Variants in OXSR1 observed in about 807,000 individuals in gnomAD.
OXSR1 encodes the protein oxidative stress responsive kinase 1.
Under a neutral mutation model 79.8 loss-of-function variants are expected in OXSR1, and 24 were observed. The observed-to-expected ratio is 0.30, with a 90% CI of 0.22 to 0.42. The LOEUF (loss-of-function observed/expected upper bound fraction) is 0.42, where lower values mean the gene tolerates loss of function less well. Ranked by LOEUF, OXSR1 falls within the 10% of genes least tolerant of loss-of-function variation. The pLI is 1.00. For synonymous variants in OXSR1, 226 were observed against 209.2 expected (o/e 1.08, Z -0.69); for missense variants, 430 against 618.4 (o/e 0.70, Z 3.23).
intron 4 of OXSR1, among the ~76,000 whole-genome samples, chr3:38,205,899 T>G (rs917417121): frequency 6.6e-6 from 1 of 152,226 alleles, no homozygotes; most frequent in Non-Finnish European, 1.5e-5. Context: ...AATGGTTGTT[T>G]TGTCATATTT....
chr3:38,201,440 G>A (rs1702161917), intron 4 of OXSR1, among the ~76,000 whole-genome samples: 1 of 152,038 alleles, frequency 6.6e-6, no homozygotes, highest in Non-Finnish European at 1.5e-5. Context: ...GCCAGGCATG[G>A]TGACTCACGC....
At chr3:38,166,239 T>C (rs940149853) in intron 1 of OXSR1, among the ~76,000 whole-genome samples, 5 of 152,030 alleles carry the variant, frequency 3.3e-5, no homozygotes, top group African/African-American at 9.7e-5. Context: ...ATGTGTCTTG[T>C]AGAGAAAGAA....
At chr3:38,181,822 CAT>C (rs1701791686) in intron 1 of OXSR1, among the ~76,000 whole-genome samples, 1 of 148,458 alleles carries the variant, frequency 6.7e-6, no homozygotes, top group Non-Finnish European at 1.5e-5. Flanking sequence ...CTTGGTATGA[CAT>C]GTCATTTTTT....
Position 38,249,957 on chromosome 3 carries a change from C to G in OXSR1, c.1323-9C>G. 6.5e-7 allele frequency: 1 copy of G among 1,531,558 alleles called. No homozygotes were observed. The highest frequency in any genetic ancestry group is 9.0e-7 in the Non-Finnish European group (1 of 1,109,304). 94.9% of individuals were successfully genotyped at this position (1,531,558 alleles called of 1,614,324 possible). On this transcript the variant is annotated splice_polypyrimidine_tract_variant and intron_variant, in intron 14 of 17. Transcript: ENST00000311806. ...ATTCTTATTTTATGCATTCTGCTTT[C>G]TTTCATAGGAATTCCAAAAAAGAAC...
intron 8 of OXSR1, among the ~76,000 whole-genome samples, chr3:38,228,746 G>GT (rs1028280276): frequency 2.2e-4 from 34 of 152,148 alleles, no homozygotes; most frequent in Admixed American, 3.9e-4. Context: ...AATTTTTGTG[G>GT]TTTTTTTAGC....
intron 11 of OXSR1, among the ~76,000 whole-genome samples, chr3:38,240,825 T>C (rs1230392899): frequency 1.3e-5 from 2 of 151,506 alleles, no homozygotes; most frequent in Non-Finnish European, 2.9e-5. Context: ...ATTTAGAAAA[T>C]AGCTATCTAT....
chr3:38,248,848 A>G (rs1305303307), intron 14 of OXSR1, among the ~76,000 whole-genome samples: 1 of 152,180 alleles, frequency 6.6e-6, no homozygotes, highest in Non-Finnish European at 1.5e-5. Context: ...ATTATTGTGA[A>G]ATGTATTAAG....
In OXSR1 at chr3:38,254,330, C is replaced by T; in HGVS notation, c.*1439C>T. 1 of 397,842 alleles carries T rather than the reference C, an allele frequency of 2.5e-6. No individual in the cohort carries two copies. The highest frequency in any genetic ancestry group is 3.6e-5 in the East Asian group (1 of 28,060). The allele number at this position is 397,842 out of a possible 1,614,324, so 24.6% of individuals were successfully genotyped here. A position where few individuals can be genotyped will look rare whatever the true frequency, so the allele number is the denominator to read the frequency against. The stretch of plus-strand genomic sequence containing the variant: ...AACCTTCCCCACAAATAACTTGTCA[C>T]ACCTTTTGTTTCATTCTGAGTCTTT... On this transcript the variant is annotated 3_prime_UTR_variant, in exon 18 of 18. Transcript: ENST00000311806.
intron 1 of OXSR1, among the ~76,000 whole-genome samples, chr3:38,181,064 C>T (rs758239144): frequency 3.3e-5 from 5 of 151,818 alleles, no homozygotes; most frequent in African/African-American, 7.3e-5. Context: ...TTCTACCTAA[C>T]GCATGGATTT....
At chr3:38,232,138 C>CG (rs1458939092) in intron 10 of OXSR1, among the ~76,000 whole-genome samples, 1 of 151,780 alleles carries the variant, frequency 6.6e-6, no homozygotes, top group East Asian at 1.9e-4. Flanking sequence ...AGCCTCAGAC[C>CG]GGGGATATGG....
chr3:38,221,706 T>C lies in OXSR1; in HGVS notation c.600+19T>C. On this transcript the variant is annotated intron_variant, in intron 6 of 17. Coordinates refer to ENST00000311806, the MANE Select transcript of OXSR1 (RefSeq NM_005109.3). ...GGAACAGGTACCGTGTCTTTTTTTC[T>C]GTTTTAAATGGGTTAGGGCTTTGTT... The C allele has an allele frequency of 7.0e-7, 1 of 1,421,724 alleles. No homozygotes were observed. The highest frequency in any genetic ancestry group is 9.9e-7 in the Non-Finnish European group (1 of 1,006,766). 88.1% of individuals were successfully genotyped at this position (1,421,724 alleles called of 1,614,324 possible). A position where few individuals can be genotyped will look rare whatever the true frequency, so the allele number is the denominator to read the frequency against.
At chr3:38,166,235 C>T (rs1481848849) in intron 1 of OXSR1, among the ~76,000 whole-genome samples, 1 of 152,012 alleles carries the variant, frequency 6.6e-6, no homozygotes. Context: ...GCCCATGTGT[C>T]TTGTAGAGAA....
intron 5 of OXSR1, among the ~76,000 whole-genome samples, chr3:38,219,735 A>G (rs1702550060): frequency 6.6e-6 from 1 of 152,082 alleles, no homozygotes; most frequent in South Asian, 2.1e-4. Flanking sequence ...GAACATTTTA[A>G]AGTTTTTAGA....
intron 10 of OXSR1, among the ~76,000 whole-genome samples, chr3:38,235,688 T>C (rs978540622): frequency 2.6e-5 from 4 of 152,328 alleles, no homozygotes; most frequent in South Asian, 2.1e-4. Flanking sequence ...TCAGGAGTCA[T>C]GATGACCTCA....
chr3:38,211,659 T>G (rs1702390607), intron 4 of OXSR1, among the ~76,000 whole-genome samples: 1 of 152,208 alleles, frequency 6.6e-6, no homozygotes, highest in African/African-American at 2.4e-5. Context: ...CTCCTAACCT[T>G]ATATCAGCCC....
chr3:38,210,789 T>C (rs1006060401), intron 4 of OXSR1, among the ~76,000 whole-genome samples: 1 of 152,008 alleles, frequency 6.6e-6, no homozygotes, highest in African/African-American at 2.4e-5. Context: ...CTAAGAAGAG[T>C]TGTTGATTTT....
chr3:38,251,290 A>G, intron 15 of OXSR1, 113 bp from the exon 16 acceptor site: 1 of 807,772 alleles, frequency 1.2e-6, no homozygotes, highest in South Asian at 1.5e-5. Flanking sequence ...GGTTCTGTGG[A>G]TTTAGCATCC....
At chr3:38,184,785 A>G (rs1378719290) in intron 2 of OXSR1, among the ~76,000 whole-genome samples, 2 of 152,048 alleles carry the variant, frequency 1.3e-5, no homozygotes, top group South Asian at 2.1e-4. Flanking sequence ...AAATCATATA[A>G]TAAGTGATAG....
At chr3:38,180,363 C>T (rs1256607110) in intron 1 of OXSR1, among the ~76,000 whole-genome samples, 1 of 152,142 alleles carries the variant, frequency 6.6e-6, no homozygotes, top group Non-Finnish European at 1.5e-5. Flanking sequence ...AATCTACTTT[C>T]TGCTTCAATG....
Sources: gnomAD v4.1 joint callset for allele counts (sites outside exome capture counted in the v4.1 genomes callset) on GRCh38, gnomAD v4.1.1 for gene constraint, MANE v1.5 for transcripts, NCBI Gene and HGNC (gene_info 2026-07-23, HGNC 2026-07-21) for gene names.